EXPH5: variants seen among roughly 807,000 people sequenced by gnomAD.
EXPH5 encodes the protein exophilin-5.
EXPH5 carries 42 observed loss-of-function variants against 41.1 expected under a neutral mutation model. The observed-to-expected ratio is 1.02, with a 90% CI of 0.80 to 1.32. EXPH5 has a LOEUF of 1.32. EXPH5 is among the 40% of genes most tolerant of loss of function. The probability of loss-of-function intolerance (pLI) is 0.00; values close to 1 mark genes in which losing one functional copy is unlikely to be tolerated. For synonymous variants in EXPH5, 798 were observed against 833.5 expected, an observed-to-expected ratio of 0.96 and a Z score of 0.73; for missense variants, 2,298 against 2,314.5, an observed-to-expected ratio of 0.99 and a Z score of 0.15.
intron 4 of EXPH5, among the ~76,000 whole-genome samples, chr11:108,524,627 C>T (rs2135969873): frequency 6.6e-6 from 1 of 152,328 alleles, no homozygotes; most frequent in East Asian, 1.9e-4. Context: ...AAACCTCTGT[C>T]ATAGAGTAGC....
intron 1 of EXPH5, among the ~76,000 whole-genome samples, chr11:108,578,441 T>G (rs1484430286): frequency 6.6e-6 from 1 of 152,240 alleles, no homozygotes; most frequent in Non-Finnish European, 1.5e-5. Context: ...TGCTGCTTTG[T>G]AGTATATTTT....
intron 1 of EXPH5, among the ~76,000 whole-genome samples, chr11:108,591,226 G>A (rs1252240483): frequency 6.6e-6 from 1 of 152,186 alleles, no homozygotes; most frequent in Non-Finnish European, 1.5e-5. Flanking sequence ...ATACTCTTGA[G>A]TTATAAGTCA....
intron 1 of EXPH5, among the ~76,000 whole-genome samples, chr11:108,576,487 G>T (rs986175443): frequency 1.3e-5 from 2 of 152,084 alleles, no homozygotes; most frequent in Non-Finnish European, 2.9e-5. Flanking sequence ...GTACAACATT[G>T]TTAATGTACA....
At chr11:108,571,399 C>T (rs1326567663) in intron 1 of EXPH5, among the ~76,000 whole-genome samples, 1 of 152,174 alleles carries the variant, frequency 6.6e-6, no homozygotes, top group African/African-American at 2.4e-5. Flanking sequence ...GGAAGAGGCA[C>T]TGGGAAACAG....
intron 4 of EXPH5, among the ~76,000 whole-genome samples, chr11:108,521,017 T>C (rs1030859229): frequency 1.3e-5 from 2 of 152,180 alleles, no homozygotes; most frequent in Non-Finnish European, 2.9e-5. Flanking sequence ...CCATTTGCGT[T>C]TCCTCTGTCA....
chr11:108,513,016 G>C lies in EXPH5; in HGVS notation c.2491C>G (p.Gln831Glu). 1 of 1,613,914 alleles carries C rather than the reference G, an allele frequency of 6.2e-7. No individual in the cohort carries two copies. Among genetic ancestry groups the C allele is most frequent in the Non-Finnish European group, 8.5e-7 (1 of 1,179,946 alleles). ...SFPRTDQGCH[Q>E]ELTVNNEDIS... The stretch of plus-strand genomic sequence containing the variant: ...TCTTCATTATTTACAGTTAATTCCT[G>C]GTGACAACCTTGGTCTGTCCTGGGG... Residue 831 changes from glutamine to glutamate, a missense_variant, in exon 6 of 6, where the codon CAG becomes GAG. Transcript: ENST00000265843.
intron 1 of EXPH5, among the ~76,000 whole-genome samples, chr11:108,590,829 T>A (rs2094125766): frequency 6.6e-6 from 1 of 152,136 alleles, no homozygotes; most frequent in South Asian, 2.1e-4. Flanking sequence ...TTTTTAATTT[T>A]TATTGTAGAG....
At chr11:108,570,003 T>C (rs559807635) in intron 1 of EXPH5, among the ~76,000 whole-genome samples, 2 of 152,332 alleles carry the variant, frequency 1.3e-5, no homozygotes, top group South Asian at 4.1e-4. Flanking sequence ...CAATGCTTAA[T>C]GTTGATGGTT....
rs754994331 is a variant in EXPH5 at position 108,511,778 on chromosome 11, A to G, written c.3729T>C (p.Asn1243=). 7 of 1,610,150 alleles carry G rather than the reference A, an allele frequency of 4.3e-6. No homozygotes were observed. In the South Asian group the frequency reaches 4.5e-5, roughly 10 times the overall value. The part of the protein sequence containing the change: ...STFSVSGDED[N]VKCLEVVSIY... ...TTGAGACCACCTCCAGACATTTTAC[A>G]TTATCTTCATCACCAGAAACAGAAA... Residue 1243 remains asparagine, a synonymous_variant, in exon 6 of 6, where the codon AAT becomes AAC. Transcript: ENST00000265843.
the EXPH5 span, among the ~76,000 whole-genome samples, chr11:108,599,749 T>C: frequency 6.6e-6 from 1 of 152,210 alleles, no homozygotes; most frequent in African/African-American, 2.4e-5. Flanking sequence ...AGACATCAAG[T>C]AACACCTGGA....
intron 1 of EXPH5, among the ~76,000 whole-genome samples, chr11:108,570,645 G>A (rs1343372106): frequency 3.9e-5 from 6 of 152,158 alleles, no homozygotes; most frequent in African/African-American, 1.4e-4. Flanking sequence ...CTGTGCTCAA[G>A]CGATTCTGCC....
chr11:108,530,748 C>A (rs2093832240), intron 3 of EXPH5, among the ~76,000 whole-genome samples: 1 of 152,124 alleles, frequency 6.6e-6, no homozygotes, highest in South Asian at 2.1e-4. Context: ...GGAGATGCAG[C>A]TAAAGGGCCA....
chr11:108,600,485 G>A, the EXPH5 span, among the ~76,000 whole-genome samples: 6,042 of 152,060 alleles, frequency 0.04, 122 homozygotes, highest in Middle Eastern at 0.051. Context: ...CACAGTATGC[G>A]GATGATAGTT....
intron 1 of EXPH5, among the ~76,000 whole-genome samples, chr11:108,569,835 G>A (rs550670590): frequency 4.7e-4 from 30 of 63,858 alleles, no homozygotes; most frequent in Non-Finnish European, 7.9e-4. Flanking sequence ...AGAGGAACAC[G>A]GAGGTGCCTA....
At chr11:108,538,079 GA>G in intron 3 of EXPH5, 1 of 985,420 alleles carries the variant, frequency 1.0e-6, no homozygotes, top group Non-Finnish European at 1.2e-6. Context: ...AGCTGGAAGT[GA>G]AAAACCCTCC....
chr11:108,604,728 A>G, the EXPH5 span, among the ~76,000 whole-genome samples: 2 of 152,250 alleles, frequency 1.3e-5, no homozygotes, highest in Middle Eastern at 3.4e-3. Context: ...GGAGAATGCC[A>G]ATGCCTGAGG....
intron 4 of EXPH5, among the ~76,000 whole-genome samples, chr11:108,527,876 C>T (rs1456210292): frequency 1.3e-5 from 2 of 152,152 alleles, no homozygotes; most frequent in South Asian, 2.1e-4. Flanking sequence ...AGGGGCAACA[C>T]GTGGCAAAAT....
intron 1 of EXPH5, among the ~76,000 whole-genome samples, chr11:108,548,217 G>GA (rs1422002462): frequency 7.9e-6 from 1 of 125,858 alleles, no homozygotes; most frequent in African/African-American, 2.6e-5. Flanking sequence ...TTTTAAATAA[G>GA]AAAGTTTTTG....
intron 1 of EXPH5, among the ~76,000 whole-genome samples, chr11:108,586,715 A>G (rs2094114470): frequency 6.7e-6 from 1 of 148,596 alleles, no homozygotes; most frequent in South Asian, 2.2e-4. Context: ...AACCAAGGTA[A>G]GCTTTATCAA....
Sources: gnomAD v4.1 joint callset for allele counts (sites outside exome capture counted in the v4.1 genomes callset) on GRCh38, gnomAD v4.1.1 for gene constraint, MANE v1.5 for transcripts, NCBI Gene and HGNC (gene_info 2026-07-23, HGNC 2026-07-21) for gene names.